Variants in EFCAB8 observed in about 807,000 individuals in gnomAD.
The protein encoded by EFCAB8 is EF-hand calcium-binding domain-containing protein 8.
Under a neutral mutation model 116.3 loss-of-function variants are expected in EFCAB8, and 100 were observed. The observed-to-expected ratio is 0.86, with a 90% confidence interval of 0.73 to 1.02. The LOEUF is 1.02. EFCAB8 is among the 50% of genes least tolerant of loss of function. The pLI is 0.00. For synonymous variants in EFCAB8, 558 were observed against 567.9 expected, an observed-to-expected ratio of 0.98 and a Z score of 0.25; for missense variants, 1,320 against 1,416.9, an observed-to-expected ratio of 0.93 and a Z score of 1.10.
At chr20:32,893,565 C>T (rs1986020960) in intron 9 of EFCAB8, among the ~76,000 whole-genome samples, 1 of 152,126 alleles carries the variant, frequency 6.6e-6, no homozygotes, top group East Asian at 1.9e-4. Flanking sequence ...GGGTGCAGGA[C>T]ACTTCTCACC....
chr20:32,928,004 A>C (rs375170282), intron 20 of EFCAB8, among the ~76,000 whole-genome samples: 22 of 151,898 alleles, frequency 1.4e-4, no homozygotes, highest in Middle Eastern at 3.4e-3. Flanking sequence ...CTCCCTCCAA[A>C]CCCTGGAAAC....
intron 17 of EFCAB8, among the ~76,000 whole-genome samples, chr20:32,913,960 G>A (rs1196924691): frequency 6.6e-6 from 1 of 152,272 alleles, no homozygotes; most frequent in Non-Finnish European, 1.5e-5. Context: ...ACTCTGGGCA[G>A]CCCTACACCT....
intron 1 of EFCAB8, among the ~76,000 whole-genome samples, chr20:32,860,428 C>G (rs1984045462): frequency 6.6e-6 from 1 of 151,124 alleles, no homozygotes; most frequent in Non-Finnish European, 1.5e-5. Flanking sequence ...AGCATTGTGC[C>G]CTGCATGTAT....
At chr20:32,930,353 A>G (rs1419152203) in intron 20 of EFCAB8, 45 bp from the exon 21 acceptor site, 1 of 1,503,244 alleles carries the variant, frequency 6.7e-7, no homozygotes, top group South Asian at 1.2e-5. Flanking sequence ...ACCATGTGAC[A>G]GTGGCTCACA....
intron 6 of EFCAB8, among the ~76,000 whole-genome samples, chr20:32,885,984 G>GCCAAGA (rs1985605860): frequency 6.6e-6 from 1 of 152,172 alleles, no homozygotes; most frequent in African/African-American, 2.4e-5. Flanking sequence ...AGACTCCTGT[G>GCCAAGA]CTAGGGGTCA....
chr20:32,888,655 T>G (rs1215790849), intron 6 of EFCAB8, among the ~76,000 whole-genome samples: 1 of 152,204 alleles, frequency 6.6e-6, no homozygotes, highest in Non-Finnish European at 1.5e-5. Context: ...TGTGCCCTTT[T>G]CTTTTTAAAT....
At chr20:32,872,358 G>A (rs952369851) in intron 3 of EFCAB8, among the ~76,000 whole-genome samples, 17 of 152,126 alleles carry the variant, frequency 1.1e-4, no homozygotes, top group African/African-American at 3.9e-4. Flanking sequence ...TGCCATCACC[G>A]GCACATCTCA....
chr20:32,860,674 T>A (rs1280419363), intron 1 of EFCAB8, among the ~76,000 whole-genome samples: 1 of 151,992 alleles, frequency 6.6e-6, no homozygotes, highest in Non-Finnish European at 1.5e-5. Flanking sequence ...GCCCAGGCTA[T>A]TTTTTCATTC....
chr20:32,875,948 CA>C lies in EFCAB8; in HGVS notation c.233del (p.Lys78ArgfsTer3). 1.9e-6 allele frequency: 3 copies of C among 1,551,928 alleles called. No individual in the cohort carries two copies. Among genetic ancestry groups the C allele is most frequent in the Non-Finnish European group, 2.6e-6 (3 of 1,147,020 alleles). The part of the protein sequence containing the change: ...TGALGMDAFI[K>X]AMKKVLSSVS... ...AAGCCCTGGGCATGGACGCCTTCATCAAGGCCATGAAGAAGGTTCTGAGCAG... is the reference window on the plus strand; with the variant it reads ...AAGCCCTGGGCATGGACGCCTTCATCAGGCCATGAAGAAGGTTCTGAGCAG... On this transcript the variant is annotated frameshift_variant, in exon 4 of 27. Transcript: ENST00000400522. LOFTEE classifies it high-confidence loss of function.
At chr20:32,890,747 C>T (rs1423079266) in intron 7 of EFCAB8, among the ~76,000 whole-genome samples, 2 of 152,222 alleles carry the variant, frequency 1.3e-5, no homozygotes, top group Non-Finnish European at 2.9e-5. Context: ...GGGCCTGGTC[C>T]CACTGCTCTG....
rs1232871152 is a variant in EFCAB8 at position 32,918,417 on chromosome 20, T to C, written c.2117T>C (p.Val706Ala). Reference sequence around the variant, plus strand: ...AGCCACAGGCCCAGCAGACCCTATGTGGAGCGGGAGAAGTGGACATACAAG... The same window carrying C: ...AGCCACAGGCCCAGCAGACCCTATGCGGAGCGGGAGAAGTGGACATACAAG... ...AESHRPSRPY[V>A]EREKWTYKTS... is the part of the protein sequence containing the mutation. Residue 706 changes from valine (V) to alanine (A), a missense_variant, in exon 19 of 27, where the codon GTG (valine) becomes GCG (alanine). Coordinates refer to ENST00000400522, the MANE Select transcript of EFCAB8 (RefSeq NM_001143967.2). 1.2e-5 allele frequency: 18 copies of C among 1,551,716 alleles called. No individual in the cohort carries two copies. The highest frequency in any genetic ancestry group is 1.6e-5 in the Non-Finnish European group (18 of 1,147,000).
chr20:32,875,802 C>T, intron 3 of EFCAB8, 124 bp from the exon 4 acceptor site: 1 of 793,896 alleles, frequency 1.3e-6, no homozygotes, highest in Non-Finnish European at 2.0e-6. Flanking sequence ...AGCCACCGCG[C>T]CTGGCCGTAG....
chr20:32,920,243 A>G, intron 20 of EFCAB8, 28 bp downstream of exon 20: 1 of 1,550,776 alleles, frequency 6.4e-7, no homozygotes, highest in Non-Finnish European at 8.7e-7. Flanking sequence ...AGGGAGAGGG[A>G]TATGAGCTGG....
rs1021456533 is a variant in EFCAB8, at chr20:32,911,524, C to T, written c.1602C>T (p.Val534=). Reference sequence around the variant, plus strand: ...GCGGCACAGTGAGTGTGTGGGAGGTCGTGACGGGCAGGAAGACGATGGAGT... The same window carrying T: ...GCGGCACAGTGAGTGTGTGGGAGGTTGTGACGGGCAGGAAGACGATGGAGT... ...CLRGTVSVWE[V]VTGRKTMEFA... is the part of the protein sequence containing the mutation. The change falls in exon 16 of 27, where the codon GTC becomes GTT. Residue 534 remains valine (V), a synonymous_variant. Transcript: ENST00000400522. The T allele has an allele frequency of 1.8e-4, 270 of 1,513,050 alleles. No homozygotes were observed. The highest frequency in any genetic ancestry group is 4.9e-4 in the African/African-American group (36 of 72,782). The allele number at this position is 1,513,050 out of a possible 1,614,324, so 93.7% of individuals were successfully genotyped here. A position where few individuals can be genotyped will look rare whatever the true frequency, so the allele number is the denominator to read the frequency against.
chr20:32,959,381 T>C (rs949137635), intron 24 of EFCAB8, among the ~76,000 whole-genome samples: 6 of 152,206 alleles, frequency 3.9e-5, no homozygotes, highest in Non-Finnish European at 7.3e-5. Flanking sequence ...CACAGAATCT[T>C]TGTGACTCCT....
chr20:32,914,555 G>C (rs1403160423), intron 17 of EFCAB8, among the ~76,000 whole-genome samples: 1 of 152,186 alleles, frequency 6.6e-6, no homozygotes, highest in African/African-American at 2.4e-5. Flanking sequence ...TCACAGTTGT[G>C]CATGGCTAGG....
At chr20:32,877,496 ATTGC>A (rs1190849679) in intron 4 of EFCAB8, among the ~76,000 whole-genome samples, 7 of 152,198 alleles carry the variant, frequency 4.6e-5, no homozygotes, top group Non-Finnish European at 2.9e-5. Flanking sequence ...GGTGTGAGCC[ATTGC>A]ACTTGGCGGT....
At chr20:32,947,891 C>A (rs1988650247) in intron 23 of EFCAB8, among the ~76,000 whole-genome samples, 1 of 145,524 alleles carries the variant, frequency 6.9e-6, no homozygotes, top group African/African-American at 2.6e-5. Context: ...CATAACAAGA[C>A]CCCATCTCAA....
intron 3 of EFCAB8, among the ~76,000 whole-genome samples, chr20:32,869,979 T>G (rs1984607626): frequency 6.6e-6 from 1 of 152,228 alleles, no homozygotes; most frequent in African/African-American, 2.4e-5. Flanking sequence ...GAGCTTGATT[T>G]TTCCCCCTGA....
Sources: gnomAD v4.1 joint callset for allele counts (sites outside exome capture counted in the v4.1 genomes callset) on GRCh38, gnomAD v4.1.1 for gene constraint, MANE v1.5 for transcripts, NCBI Gene and HGNC (gene_info 2026-07-23, HGNC 2026-07-21) for gene names.